The following CSMD1 variants were observed in gnomAD, a reference collection of about 807,000 sequenced individuals.
The protein encoded by CSMD1 is CUB and sushi domain-containing protein 1.
In CSMD1, 213 loss-of-function variants were observed where a neutral mutation model predicts 417.5. The observed-to-expected ratio is 0.51, with a 90% confidence interval of 0.46 to 0.57. The LOEUF (loss-of-function observed/expected upper bound fraction) is 0.57. Among genes scored for constraint, CSMD1 ranks in the 20% least tolerant of loss-of-function variants. CSMD1 has a pLI of 0.00. For synonymous variants in CSMD1, 2,862 were observed against 1,736.8 expected (o/e 1.65, Z -16.11); for missense variants, 6,923 against 4,529.7 (o/e 1.53, Z -15.17).
chr8:4,783,761 C>T lies in CSMD1; in HGVS notation c.86-146203G>A, dbSNP rs1413252840. ...GCATATCCTCTTTCTAGTAGGTCAT[C>T]CAGCTGGTGATGCCTCATTTGTAAC... On this transcript the variant is annotated intron_variant, in intron 1 of 69. Coordinates refer to ENST00000635120, the MANE Select transcript of CSMD1 (RefSeq NM_033225.6). 2.0e-5 allele frequency among the ~76,000 whole-genome samples: 3 copies of T among 152,184 alleles called. No individual in the cohort carries two copies. In the East Asian group the frequency reaches 5.8e-4, roughly 29 times the overall value.
chr8:4,126,557 T>C (rs148386607), intron 3 of CSMD1, among the ~76,000 whole-genome samples: 2,038 of 152,222 alleles, frequency 0.013, 25 homozygotes, highest in Non-Finnish European at 0.019. Flanking sequence ...TGATCCACAA[T>C]TGTGGGATGG....
intron 1 of CSMD1, among the ~76,000 whole-genome samples, chr8:4,671,210 A>G (rs1805303948): frequency 6.6e-6 from 1 of 152,172 alleles, no homozygotes; most frequent in African/African-American, 2.4e-5. Flanking sequence ...TCCTTTCAAG[A>G]TGAAGTATTC....
chr8:3,625,904 AC>A (rs1168086850), intron 7 of CSMD1, among the ~76,000 whole-genome samples: 1 of 152,212 alleles, frequency 6.6e-6, no homozygotes, highest in Admixed American at 6.5e-5. Flanking sequence ...CTGATATATC[AC>A]GGTAGCAGTA....
intron 1 of CSMD1, among the ~76,000 whole-genome samples, chr8:4,835,282 C>T (rs1585183748): frequency 6.6e-6 from 1 of 152,056 alleles, no homozygotes. Flanking sequence ...ACAATACAAA[C>T]ATCGTCGGAG....
intron 18 of CSMD1, among the ~76,000 whole-genome samples, chr8:3,385,019 TATATAA>T (rs1810904581): frequency 1.6e-3 from 2 of 1,268 alleles, no homozygotes; most frequent in African/African-American, 1.8e-3. Context: ...AAATATATAA[TATATAA>T]ATATAATATA....
chr8:4,903,791 G>C (rs972303262), intron 1 of CSMD1, among the ~76,000 whole-genome samples: 19 of 152,154 alleles, frequency 1.2e-4, no homozygotes, highest in Non-Finnish European at 5.9e-5. Context: ...CTTAGCAGCA[G>C]GACCTACTGT....
At chr8:3,047,303 G>A (rs1294824822) in intron 50 of CSMD1, among the ~76,000 whole-genome samples, 1 of 150,706 alleles carries the variant, frequency 6.6e-6, no homozygotes, top group Non-Finnish European at 1.5e-5. Flanking sequence ...CTCTTCTGTA[G>A]AAATTGGTCC....
chr8:4,140,813 G>C (rs1224623141), intron 3 of CSMD1, among the ~76,000 whole-genome samples: 1 of 150,812 alleles, frequency 6.6e-6, no homozygotes, highest in Non-Finnish European at 1.5e-5. Context: ...GCGTGTAAAT[G>C]GGCTCAGCAC....
chr8:4,192,348 A>T (rs1230686144), intron 3 of CSMD1, among the ~76,000 whole-genome samples: 3 of 152,172 alleles, frequency 2.0e-5, no homozygotes, highest in Admixed American at 1.3e-4. Flanking sequence ...TATAATCAGC[A>T]GTTCTTGGAT....
intron 2 of CSMD1, among the ~76,000 whole-genome samples, chr8:4,600,565 G>A (rs1007706836): frequency 6.6e-6 from 1 of 152,130 alleles, no homozygotes; most frequent in African/African-American, 2.4e-5. Context: ...ATTTCCTGAT[G>A]TGCTCTCCAT....
intron 2 of CSMD1, among the ~76,000 whole-genome samples, chr8:4,449,312 C>A (rs1274725349): frequency 6.6e-6 from 1 of 152,156 alleles, no homozygotes; most frequent in Admixed American, 6.6e-5. Context: ...TGAAAAGACT[C>A]AAATGAGCAT....
intron 3 of CSMD1, among the ~76,000 whole-genome samples, chr8:4,257,021 G>C (rs932950617): frequency 3.3e-5 from 5 of 152,146 alleles, no homozygotes; most frequent in African/African-American, 9.7e-5. Flanking sequence ...AAGCTACTGG[G>C]ATCAAGCCAT....
chr8:3,181,709 G>A (rs898884863), intron 36 of CSMD1, among the ~76,000 whole-genome samples: 6 of 151,956 alleles, frequency 3.9e-5, no homozygotes, highest in Admixed American at 1.3e-4. Context: ...TGTTCCCCCT[G>A]GATCTGTTGA....
intron 12 of CSMD1, among the ~76,000 whole-genome samples, chr8:3,465,151 G>T (rs773040807): frequency 1.3e-4 from 20 of 152,146 alleles, no homozygotes; most frequent in Non-Finnish European, 2.2e-4. Context: ...GGCCTCACCA[G>T]CAGGGATCCC....
At chr8:3,683,574 G>A (rs1288388874) in intron 7 of CSMD1, among the ~76,000 whole-genome samples, 1 of 152,130 alleles carries the variant, frequency 6.6e-6, no homozygotes, top group Non-Finnish European at 1.5e-5. Context: ...AATGAAATAT[G>A]TTTAAAGCAC....
At chr8:4,859,825 G>C (rs1222327657) in intron 1 of CSMD1, among the ~76,000 whole-genome samples, 1 of 152,122 alleles carries the variant, frequency 6.6e-6, no homozygotes, top group Non-Finnish European at 1.5e-5. Flanking sequence ...CTGTAAACTA[G>C]TTCAACCATT....
chr8:3,275,300 T>G (rs932545961), intron 26 of CSMD1, among the ~76,000 whole-genome samples: 2 of 152,232 alleles, frequency 1.3e-5, no homozygotes, highest in Non-Finnish European at 2.9e-5. Context: ...AGAGATCTGC[T>G]GTTAGTCTGA....
chr8:4,373,049 G>A (rs1035068652), intron 3 of CSMD1, among the ~76,000 whole-genome samples: 3 of 152,178 alleles, frequency 2.0e-5, no homozygotes, highest in African/African-American at 7.2e-5. Flanking sequence ...GTATAACCCT[G>A]ATTTGATGTG....
intron 7 of CSMD1, among the ~76,000 whole-genome samples, chr8:3,651,593 C>G (rs907092691): frequency 2.8e-4 from 42 of 152,186 alleles, no homozygotes; most frequent in Admixed American, 2.0e-4. Flanking sequence ...CTAGAATAGC[C>G]CCTGCCCCCC....
Sources: allele counts gnomAD v4.1 joint callset (sites outside exome capture counted in the v4.1 genomes callset), GRCh38; gene constraint gnomAD v4.1.1; transcripts MANE v1.5; gene names NCBI Gene and HGNC (gene_info 2026-07-23, HGNC 2026-07-21).